Variants in GRM8 observed in about 807,000 individuals in gnomAD.
GRM8 encodes glutamate metabotropic receptor 8, also known as metabotropic glutamate receptor 8.
In GRM8, 47 loss-of-function variants were observed where a neutral mutation model predicts 87.2. The observed-to-expected ratio is 0.54, with a 90% confidence interval of 0.43 to 0.69. GRM8 has a LOEUF of 0.69. Ranked by LOEUF, GRM8 falls within the 30% of genes least tolerant of loss-of-function variation. GRM8 has a pLI of 0.00. For synonymous variants in GRM8, 396 were observed against 404.5 expected (o/e 0.98, Z 0.25); for missense variants, 1,019 against 1,139.2 (o/e 0.89, Z 1.52).
At chr7:127,190,210 TA>T (rs1794949390) in intron 2 of GRM8, among the ~76,000 whole-genome samples, 1 of 152,152 alleles carries the variant, frequency 6.6e-6, no homozygotes, top group South Asian at 2.1e-4. Flanking sequence ...CCACTAGAAA[TA>T]CACAAGGGCT....
At chr7:127,053,938 A>T (rs567248488) in intron 3 of GRM8, among the ~76,000 whole-genome samples, 48 of 152,310 alleles carry the variant, frequency 3.2e-4, no homozygotes, top group Non-Finnish European at 1.0e-4. Context: ...TATGCTAGTG[A>T]CATTAAATGA....
intron 2 of GRM8, among the ~76,000 whole-genome samples, chr7:127,115,094 A>G (rs1235041194): frequency 6.6e-6 from 1 of 152,136 alleles, no homozygotes; most frequent in Non-Finnish European, 1.5e-5. Context: ...GGCAACCTCA[A>G]AAGGAAATTG....
At chr7:127,241,650 T>C (rs947254772) in intron 2 of GRM8, among the ~76,000 whole-genome samples, 1 of 152,166 alleles carries the variant, frequency 6.6e-6, no homozygotes, top group Non-Finnish European at 1.5e-5. Context: ...TTAGCCAGGA[T>C]GGTCTCAATC....
intron 3 of GRM8, among the ~76,000 whole-genome samples, chr7:126,980,135 A>T (rs1038107945): frequency 6.6e-6 from 1 of 152,210 alleles, no homozygotes; most frequent in Non-Finnish European, 1.5e-5. Context: ...GGCAGACTTT[A>T]TCTCCCACTT....
chr7:126,648,910 TC>T lies in GRM8; in HGVS notation c.1358-39413del, dbSNP rs202228893. 9.8e-3 allele frequency among the ~76,000 whole-genome samples: 1,495 copies of T among 152,312 alleles called. 20 individuals are homozygous for T. Among genetic ancestry groups the T allele is most frequent in the African/African-American group, 0.034 (1,403 of 41,560 alleles). On this transcript the variant is annotated intron_variant, in intron 7 of 10. Coordinates refer to ENST00000339582, the MANE Select transcript of GRM8 (RefSeq NM_000845.3). Reference sequence around the variant, plus strand: ...AGTAGTTATCTTTACTTCTGTGGCATCCCTACAGTGATGATATAATTTGGAG... The same window carrying T: ...AGTAGTTATCTTTACTTCTGTGGCATCCTACAGTGATGATATAATTTGGAG...
At chr7:126,900,461 T>C (rs1318590613) in intron 6 of GRM8, among the ~76,000 whole-genome samples, 1 of 151,096 alleles carries the variant, frequency 6.6e-6, no homozygotes, top group Non-Finnish European at 1.5e-5. Context: ...TACCAAAGCG[T>C]CTGTCCTGTG....
intron 3 of GRM8, among the ~76,000 whole-genome samples, chr7:127,005,995 G>A (rs773583139): frequency 5.3e-5 from 8 of 151,578 alleles, no homozygotes; most frequent in East Asian, 1.9e-4. Flanking sequence ...TTTGTTTTAC[G>A]TATTTTCCTC....
At chr7:126,977,695 T>C (rs1418202102) in intron 3 of GRM8, among the ~76,000 whole-genome samples, 1 of 152,228 alleles carries the variant, frequency 6.6e-6, no homozygotes, top group Non-Finnish European at 1.5e-5. Flanking sequence ...CGGTGTTAAC[T>C]AGTGCATCAG....
chr7:126,821,277 C>T (rs1794273780), intron 6 of GRM8, among the ~76,000 whole-genome samples: 1 of 152,072 alleles, frequency 6.6e-6, no homozygotes, highest in Non-Finnish European at 1.5e-5. Flanking sequence ...TCTAATGCAC[C>T]CATCCTTCAA....
At chr7:126,531,039 G>T (rs912882006) in intron 9 of GRM8, among the ~76,000 whole-genome samples, 1 of 152,038 alleles carries the variant, frequency 6.6e-6, no homozygotes, top group African/African-American at 2.4e-5. Context: ...GTCATTTTAT[G>T]TATTGTCTTG....
chr7:126,761,599 C>T (rs1817594976), intron 7 of GRM8, among the ~76,000 whole-genome samples: 1 of 152,184 alleles, frequency 6.6e-6, no homozygotes, highest in Non-Finnish European at 1.5e-5. Flanking sequence ...CCTAGCACTT[C>T]ACTGTCCTGC....
chr7:127,064,267 T>C (rs540763718), intron 3 of GRM8, among the ~76,000 whole-genome samples: 1 of 152,342 alleles, frequency 6.6e-6, no homozygotes, highest in East Asian at 1.9e-4. Context: ...TATGTCTCTG[T>C]GGGTCTCTAA....
chr7:126,558,460 C>G (rs1793372436), intron 8 of GRM8, among the ~76,000 whole-genome samples: 1 of 152,120 alleles, frequency 6.6e-6, no homozygotes, highest in African/African-American at 2.4e-5. Flanking sequence ...CTCTCAACCT[C>G]TGTATGCCTC....
chr7:127,237,338 C>T (rs1434774079), intron 2 of GRM8, among the ~76,000 whole-genome samples: 2 of 152,164 alleles, frequency 1.3e-5, no homozygotes, highest in African/African-American at 4.8e-5. Context: ...ACTGACTGCA[C>T]TCATTTATGA....
At chr7:126,647,534 C>T (rs1232034374) in intron 7 of GRM8, among the ~76,000 whole-genome samples, 2 of 152,070 alleles carry the variant, frequency 1.3e-5, no homozygotes, top group African/African-American at 4.8e-5. Flanking sequence ...GACATTCCAA[C>T]TCAGATATTT....
At chr7:126,983,400 T>C (rs756697002) in intron 3 of GRM8, among the ~76,000 whole-genome samples, 1 of 152,158 alleles carries the variant, frequency 6.6e-6, no homozygotes, top group African/African-American at 2.4e-5. Flanking sequence ...AGGCTGTGTA[T>C]GCTCTGAGCC....
intron 7 of GRM8, among the ~76,000 whole-genome samples, chr7:126,746,839 C>A (rs1815754243): frequency 6.6e-6 from 1 of 151,576 alleles, no homozygotes; most frequent in African/African-American, 2.4e-5. Context: ...AATGATCTTT[C>A]ATACAAGGAA....
At chr7:126,764,784 T>G (rs990504786) in intron 7 of GRM8, among the ~76,000 whole-genome samples, 4 of 152,086 alleles carry the variant, frequency 2.6e-5, no homozygotes, top group Admixed American at 1.3e-4. Flanking sequence ...AGGGTTTGCA[T>G]TACAAAATTC....
intron 2 of GRM8, among the ~76,000 whole-genome samples, chr7:127,219,120 G>T (rs1057105535): frequency 1.3e-5 from 2 of 150,770 alleles, no homozygotes; most frequent in Non-Finnish European, 2.9e-5. Context: ...TGCTCTTTAT[G>T]GCCTGCTTTC....
Sources: allele counts gnomAD v4.1 joint callset (sites outside exome capture counted in the v4.1 genomes callset), GRCh38; gene constraint gnomAD v4.1.1; transcripts MANE v1.5; gene names NCBI Gene and HGNC (gene_info 2026-07-23, HGNC 2026-07-21).